ANKRD50: variants seen among roughly 807,000 people sequenced by gnomAD.
ANKRD50 encodes ankyrin repeat domain-containing protein 50.
A neutral mutation model predicts 112.0 loss-of-function variants in ANKRD50; 40 were observed. The observed-to-expected ratio is 0.36, with a 90% CI of 0.28 to 0.46. The LOEUF is 0.46. Among genes scored for constraint, ANKRD50 ranks in the 20% least tolerant of loss-of-function variants. The pLI, the probability that ANKRD50 is intolerant of heterozygous loss-of-function variation, is 1.00. For synonymous variants in ANKRD50, 613 were observed against 619.1 expected (o/e 0.99, Z 0.15); for missense variants, 1,487 against 1,701.7 (o/e 0.87, Z 2.22).
At chr4:124,704,752 G>T (rs749777593) in intron 2 of ANKRD50, among the ~76,000 whole-genome samples, 3 of 152,190 alleles carry the variant, frequency 2.0e-5, no homozygotes, top group Non-Finnish European at 4.4e-5. Flanking sequence ...ATAACGTTAT[G>T]AAGAAGCATA....
At position 124,710,356 on chromosome 4, in the gene ANKRD50, T is replaced by C; in HGVS notation, c.156A>G (p.Ser52=). 6.2e-7 allele frequency: 1 copy of C among 1,614,114 alleles called. No homozygotes were observed. Among genetic ancestry groups the C allele is most frequent in the Admixed American group, 1.7e-5 (1 of 60,018 alleles). Residue 52 remains serine, a synonymous_variant, in exon 2 of 5, where the codon TCA becomes TCG. Coordinates refer to ENST00000504087, the MANE Select transcript of ANKRD50 (RefSeq NM_020337.3). ...NCCNSAVNAP[S]LVMNSGNNAS... is the part of the protein sequence containing the mutation. ...CATTATTCCCAGAATTCATTACAAG[T>C]GATGGTGCATTGACAGCACTATTGC...
chr4:124,665,585 G>C lies in ANKRD50; in HGVS notation c.*1933C>G, dbSNP rs1241033083. 1 of 152,186 alleles carries C rather than the reference G, an allele frequency of 6.6e-6. No homozygotes were observed. The highest frequency in any genetic ancestry group is 1.5e-5 in the Non-Finnish European group (1 of 67,862). 9.4% of individuals were successfully genotyped at this position (152,186 alleles called of 1,614,324 possible). A position where few individuals can be genotyped will look rare whatever the true frequency, so the allele number is the denominator to read the frequency against. ...TGTATTTGAGATATGAGTAAAGTTG[G>C]TTCTAATAATAGTATGTGTTCATAT... On this transcript the variant is annotated 3_prime_UTR_variant, in exon 5 of 5. Coordinates refer to ENST00000504087, the MANE Select transcript of ANKRD50 (RefSeq NM_020337.3).
intron 2 of ANKRD50, among the ~76,000 whole-genome samples, chr4:124,693,398 T>C (rs1725178591): frequency 6.6e-6 from 1 of 152,112 alleles, no homozygotes; most frequent in African/African-American, 2.4e-5. Flanking sequence ...AGATGGCAGG[T>C]GCTTGAAATG....
At chr4:124,687,207 T>A (rs997255036) in intron 2 of ANKRD50, among the ~76,000 whole-genome samples, 3 of 152,170 alleles carry the variant, frequency 2.0e-5, no homozygotes, top group African/African-American at 7.2e-5. Flanking sequence ...TATAGGAACA[T>A]GATTTTTCAC....
At position 124,710,230 on chromosome 4, in the gene ANKRD50, A is replaced by C. The variant is rs761795675; in HGVS notation, c.282T>G (p.Ser94Arg). ...TALCTELLWP[S>R]SPASLQRGLH... is the part of the protein sequence containing the mutation. ...AACCTCTCTGCAAACTTGCAGGTGA[A>C]CTTGGCCATAAGAGTTCAGTACATA... The change falls in exon 2 of 5, where the codon AGT becomes AGG. Residue 94 changes from serine (S) to arginine (R), a missense_variant. By Grantham distance (110) the Ser-to-Arg change is moderately radical. Coordinates refer to ENST00000504087, the MANE Select transcript of ANKRD50 (RefSeq NM_020337.3). The C allele has an allele frequency of 1.2e-6, 2 of 1,614,092 alleles. No homozygotes were observed.
At chr4:124,682,270 T>C (rs896404515) in intron 2 of ANKRD50, among the ~76,000 whole-genome samples, 1 of 143,210 alleles carries the variant, frequency 7.0e-6, no homozygotes, top group Non-Finnish European at 1.5e-5. Context: ...GAACCGAGAT[T>C]GCGCCACTGC....
At chr4:124,688,257 C>T (rs1309096711) in intron 2 of ANKRD50, among the ~76,000 whole-genome samples, 1 of 152,138 alleles carries the variant, frequency 6.6e-6, no homozygotes, top group African/African-American at 2.4e-5. Flanking sequence ...AGTTAAAGAG[C>T]CCAGTTCCAA....
At chr4:124,701,149 G>A (rs1284611413) in intron 2 of ANKRD50, among the ~76,000 whole-genome samples, 3 of 152,140 alleles carry the variant, frequency 2.0e-5, no homozygotes, top group African/African-American at 4.8e-5. Flanking sequence ...TGTTAGTAGA[G>A]ACAGGGTTTC....
At chr4:124,689,355 T>C (rs977905959) in intron 2 of ANKRD50, among the ~76,000 whole-genome samples, 1 of 152,180 alleles carries the variant, frequency 6.6e-6, no homozygotes, top group Non-Finnish European at 1.5e-5. Flanking sequence ...ACTCAGCTCC[T>C]AGGTGCTTGT....
rs1303294490 is a variant in ANKRD50, at chr4:124,664,092, G to A, written c.*3426C>T. The A allele has an allele frequency of 6.6e-6, 1 of 151,948 alleles. No homozygotes were observed. The highest frequency in any genetic ancestry group is 2.4e-5 in the African/African-American group (1 of 41,406). 9.4% of individuals were successfully genotyped at this position (151,948 alleles called of 1,614,324 possible). On this transcript the variant is annotated 3_prime_UTR_variant, in exon 5 of 5. Transcript: ENST00000504087. ...CACAAATTTTATTTAGAAAATGAAT[G>A]ACCATGTTTGCAATAAACTCCCAAA...
At chr4:124,693,665 CATTT>C (rs1725186303) in intron 2 of ANKRD50, among the ~76,000 whole-genome samples, 1 of 152,106 alleles carries the variant, frequency 6.6e-6, no homozygotes, top group Non-Finnish European at 1.5e-5. Context: ...ATTTTTCCTA[CATTT>C]ATTACCAGTT....
chr4:124,677,192 C>T (rs1730792655), intron 3 of ANKRD50, among the ~76,000 whole-genome samples: 1 of 151,612 alleles, frequency 6.6e-6, no homozygotes. Flanking sequence ...TACAGCCCAA[C>T]AATTTAATAA....
intron 2 of ANKRD50, among the ~76,000 whole-genome samples, chr4:124,691,097 G>A (rs185108899): frequency 1.3e-5 from 2 of 152,256 alleles, no homozygotes; most frequent in East Asian, 1.9e-4. Flanking sequence ...TAGAGGAAGA[G>A]GCTCTATGGT....
intron 3 of ANKRD50, among the ~76,000 whole-genome samples, chr4:124,675,452 A>G (rs1730753188): frequency 6.6e-6 from 1 of 151,802 alleles, no homozygotes; most frequent in Non-Finnish European, 1.5e-5. Context: ...TAAAATATGT[A>G]GGCATTAAAA....
In ANKRD50 at chr4:124,665,163, C is replaced by A. The variant is rs1339706173; in HGVS notation, c.*2355G>T. On this transcript the variant is annotated 3_prime_UTR_variant, in exon 5 of 5. Transcript: ENST00000504087. Reference sequence around the variant, plus strand: ...CCCCCACAGAAACAAATAAGCAAGGCAGGGCATCTCCAGCACCCATCCTAT... The same window carrying A: ...CCCCCACAGAAACAAATAAGCAAGGAAGGGCATCTCCAGCACCCATCCTAT... 6.6e-6 allele frequency: 1 copy of A among 152,084 alleles called. No individual in the cohort carries two copies. The highest frequency in any genetic ancestry group is 6.6e-5 in the Admixed American group (1 of 15,218). The allele number at this position is 152,084 out of a possible 1,614,324, so 9.4% of individuals were successfully genotyped here.
intron 2 of ANKRD50, among the ~76,000 whole-genome samples, chr4:124,699,256 T>TA (rs35038493): frequency 0.21 from 30,972 of 145,100 alleles, 3,373 homozygotes; most frequent in African/African-American, 0.29. Flanking sequence ...GCAGATATGA[T>TA]AAAAAAAAAA....
At chr4:124,702,946 C>T (rs1560831636) in intron 2 of ANKRD50, among the ~76,000 whole-genome samples, 1 of 151,824 alleles carries the variant, frequency 6.6e-6, no homozygotes, top group African/African-American at 2.4e-5. Flanking sequence ...GAGGGACTAC[C>T]AAGTGAAAGG....
chr4:124,670,173 C>T lies in ANKRD50; in HGVS notation c.3104G>A (p.Gly1035Asp). 5 of 1,612,712 alleles carry T rather than the reference C, an allele frequency of 3.1e-6. No homozygotes were observed. Among genetic ancestry groups the T allele is most frequent in the Non-Finnish European group, 4.2e-6 (5 of 1,179,576 alleles). ...GTTACATGTATGGTCAACTACAGCA[C>T]CATGCTCAATCAGAAGCTGAACCAC... ...VKVVQLLIEHGAVVDHTCNQG... is the reference protein window; with the variant it reads ...VKVVQLLIEHDAVVDHTCNQG... The change falls in exon 4 of 5, where the codon GGT becomes GAT. Residue 1035 changes from glycine (G) to aspartate (D), a missense_variant. Gly to Asp is a moderately conservative substitution (Grantham distance 94). This residue lies in a region of ANKRD50 where 1,046 missense variants were observed against 1,269.5 expected (regional missense o/e 0.82). Transcript: ENST00000504087.
At chr4:124,690,291 T>A (rs984880504) in intron 2 of ANKRD50, among the ~76,000 whole-genome samples, 7 of 152,230 alleles carry the variant, frequency 4.6e-5, no homozygotes, top group Non-Finnish European at 8.8e-5. Context: ...CCATATGTCA[T>A]CTCTGAAATC....
Sources: gnomAD v4.1 joint callset for allele counts (sites outside exome capture counted in the v4.1 genomes callset) on GRCh38, gnomAD v4.1.1 for gene constraint, gnomAD v4.1.1 regional missense constraint, MANE v1.5 for transcripts, NCBI Gene and HGNC (gene_info 2026-07-23, HGNC 2026-07-21) for gene names.